Variants in MEF2A observed in about 807,000 individuals in gnomAD.
MEF2A encodes the protein myocyte enhancer factor 2A, also known as myocyte-specific enhancer factor 2A.
In MEF2A, 28 loss-of-function variants were observed where a neutral mutation model predicts 55.8. That is an observed-to-expected ratio of 0.50 (90% CI 0.37 to 0.69). The LOEUF is 0.69. Ranked by LOEUF, MEF2A falls within the 30% of genes least tolerant of loss-of-function variation. The probability of loss-of-function intolerance (pLI) is 0.00; values close to 1 mark genes in which losing one functional copy is unlikely to be tolerated. For synonymous variants in MEF2A, 239 were observed against 227.1 expected, an observed-to-expected ratio of 1.05 and a Z score of -0.47; for missense variants, 528 against 626.2, an observed-to-expected ratio of 0.84 and a Z score of 1.67.
chr15:99,674,401 G>A lies in MEF2A; in HGVS notation c.399G>A (p.Leu133=). The change falls in exon 6 of 12, where the codon CTG becomes CTA. Residue 133 remains leucine, a synonymous_variant. Coordinates refer to ENST00000557942, the MANE Select transcript of MEF2A (RefSeq NM_001319206.4). The part of the protein sequence containing the change: ...DFIFKRGPPG[L]PPQNFSMSVT... ...TTTTTCTTTATTTACAGCCTGGTCT[G>A]CCACCTCAGAACTTTTCAATGTCTG... is the stretch of plus-strand genomic sequence containing the variant. The A allele has an allele frequency of 6.3e-7, 1 of 1,598,760 alleles. No homozygotes were observed. Among genetic ancestry groups the A allele is most frequent in the South Asian group, 1.1e-5 (1 of 89,346 alleles).
intron 2 of MEF2A, among the ~76,000 whole-genome samples, chr15:99,608,519 G>T (rs2153168409): frequency 6.6e-6 from 1 of 152,286 alleles, no homozygotes; most frequent in East Asian, 1.9e-4. Flanking sequence ...TAGATTTTTA[G>T]ATGATTTCTC....
chr15:99,614,433 C>T (rs1388332252), intron 2 of MEF2A, among the ~76,000 whole-genome samples: 1 of 152,144 alleles, frequency 6.6e-6, no homozygotes, highest in African/African-American at 2.4e-5. Flanking sequence ...TAGAGAATGT[C>T]CAATAGCCTG....
At chr15:99,606,697 A>G (rs1309393166) in intron 2 of MEF2A, among the ~76,000 whole-genome samples, 1 of 152,228 alleles carries the variant, frequency 6.6e-6, no homozygotes, top group Non-Finnish European at 1.5e-5. Context: ...TGCCCACTAG[A>G]ATGGCTGAAA....
At chr15:99,698,193 CT>C (rs1238413985) in intron 8 of MEF2A, among the ~76,000 whole-genome samples, 1 of 152,158 alleles carries the variant, frequency 6.6e-6, no homozygotes, top group Non-Finnish European at 1.5e-5. Flanking sequence ...GGAGGTTGAA[CT>C]TAAGTTTTGC....
intron 1 of MEF2A, among the ~76,000 whole-genome samples, chr15:99,568,908 G>T (rs1373371518): frequency 6.6e-6 from 1 of 152,000 alleles, no homozygotes; most frequent in Non-Finnish European, 1.5e-5. Context: ...AACCATTTGT[G>T]GACCAAAAAT....
At chr15:99,565,425 A>G (rs1237565083), upstream of MEF2A, 1 of 147,738 alleles carries the variant, frequency 6.8e-6, no homozygotes, top group African/African-American at 2.5e-5. Context: ...GCGATTTGCC[A>G]CGCGCCGCGT....
intron 4 of MEF2A, among the ~76,000 whole-genome samples, chr15:99,657,943 G>A (rs921319222): frequency 5.6e-4 from 86 of 152,262 alleles, no homozygotes; most frequent in African/African-American, 1.8e-3. Context: ...CTAGTGCCCT[G>A]TTAACTGGGG....
At chr15:99,568,504 T>C (rs1960724687) in intron 1 of MEF2A, among the ~76,000 whole-genome samples, 1 of 152,224 alleles carries the variant, frequency 6.6e-6, no homozygotes, top group Non-Finnish European at 1.5e-5. Context: ...ATTAATTGGC[T>C]ACCAAAAAGA....
At chr15:99,646,063 T>G (rs547691718) in intron 4 of MEF2A, among the ~76,000 whole-genome samples, 1 of 152,268 alleles carries the variant, frequency 6.6e-6, no homozygotes, top group East Asian at 1.9e-4. Flanking sequence ...TGTAAGAGAC[T>G]ATCATTTTTG....
chr15:99,622,706 T>C (rs978146120), intron 2 of MEF2A, among the ~76,000 whole-genome samples: 1 of 141,980 alleles, frequency 7.0e-6, no homozygotes, highest in African/African-American at 2.6e-5. Flanking sequence ...TCTTTTCTTT[T>C]TTTTTTTCTT....
chr15:99,634,352 G>T (rs2153420195), intron 3 of MEF2A, among the ~76,000 whole-genome samples: 1 of 152,252 alleles, frequency 6.6e-6, no homozygotes, highest in South Asian at 2.1e-4. Flanking sequence ...CATTATGAAG[G>T]TTGGTACAAT....
chr15:99,574,285 A>G (rs1348876279), intron 1 of MEF2A, among the ~76,000 whole-genome samples: 2 of 152,168 alleles, frequency 1.3e-5, no homozygotes, highest in African/African-American at 4.8e-5. Flanking sequence ...TAGAGCAGCT[A>G]TTACCAGCCT....
intron 4 of MEF2A, among the ~76,000 whole-genome samples, chr15:99,647,006 A>T (rs2046070337): frequency 6.6e-6 from 1 of 151,894 alleles, no homozygotes. Context: ...TGTATATGAA[A>T]TTTTTTATTT....
intron 2 of MEF2A, among the ~76,000 whole-genome samples, chr15:99,625,900 A>C (rs1250398855): frequency 1.3e-5 from 2 of 152,060 alleles, no homozygotes; most frequent in African/African-American, 4.8e-5. Context: ...TTTCGTGTCT[A>C]TTCATAGGGT....
At chr15:99,696,004 A>G (rs1370438633) in intron 8 of MEF2A, among the ~76,000 whole-genome samples, 2 of 152,258 alleles carry the variant, frequency 1.3e-5, no homozygotes, top group African/African-American at 4.8e-5. Flanking sequence ...TATAAGCTTC[A>G]CAACAAGGAA....
intron 8 of MEF2A, among the ~76,000 whole-genome samples, chr15:99,696,025 G>A (rs949314154): frequency 8.5e-5 from 13 of 152,168 alleles, no homozygotes; most frequent in Admixed American, 5.2e-4. Flanking sequence ...GAGTATCAGC[G>A]ATAAGGAGGG....
chr15:99,671,569 C>G (rs1452466090), intron 5 of MEF2A, 115 bp downstream of exon 5: 2 of 1,612,322 alleles, frequency 1.2e-6, no homozygotes, highest in Non-Finnish European at 1.7e-6. Context: ...GACCCTGATA[C>G]TTCATATGTG....
intron 3 of MEF2A, among the ~76,000 whole-genome samples, chr15:99,638,274 A>G (rs1309264039): frequency 6.6e-6 from 1 of 151,980 alleles, no homozygotes; most frequent in Non-Finnish European, 1.5e-5. Flanking sequence ...TTTTTTTTAA[A>G]GATAATGTGT....
At chr15:99,699,319 A>G (rs1360117912) in intron 8 of MEF2A, among the ~76,000 whole-genome samples, 1 of 152,148 alleles carries the variant, frequency 6.6e-6, no homozygotes, top group Non-Finnish European at 1.5e-5. Context: ...TAAGTAAAAG[A>G]AGCAGTAGTG....
Sources: gnomAD v4.1 joint callset for allele counts (sites outside exome capture counted in the v4.1 genomes callset) on GRCh38, gnomAD v4.1.1 for gene constraint, MANE v1.5 for transcripts, NCBI Gene and HGNC (gene_info 2026-07-23, HGNC 2026-07-21) for gene names.